PACRG: variants seen among roughly 807,000 people sequenced by gnomAD.
PACRG encodes the protein parkin coregulated gene protein.
PACRG carries 29 observed loss-of-function variants against 29.7 expected under a neutral mutation model. The observed-to-expected ratio is 0.98, with a 90% CI of 0.73 to 1.33. The LOEUF is 1.33. PACRG is among the 40% of genes most tolerant of loss of function. PACRG has a pLI of 0.00. For synonymous variants in PACRG, 116 were observed against 118.7 expected, an observed-to-expected ratio of 0.98 and a Z score of 0.15; for missense variants, 279 against 316.2, an observed-to-expected ratio of 0.88 and a Z score of 0.89.
chr6:163,137,913 C>T (rs1378866582), intron 4 of PACRG, among the ~76,000 whole-genome samples: 3 of 152,224 alleles, frequency 2.0e-5, no homozygotes, highest in African/African-American at 7.2e-5. Flanking sequence ...CCCTTCTCAC[C>T]ACCGCCCTGC....
intron 2 of PACRG, among the ~76,000 whole-genome samples, chr6:162,907,819 A>G (rs1796035095): frequency 6.6e-6 from 1 of 152,206 alleles, no homozygotes; most frequent in Admixed American, 6.5e-5. Flanking sequence ...CTGTCCTCAT[A>G]GCAAACTAGT....
chr6:162,834,379 C>A (rs1789037779), intron 2 of PACRG, among the ~76,000 whole-genome samples: 2 of 152,104 alleles, frequency 1.3e-5, no homozygotes, highest in African/African-American at 4.8e-5. Flanking sequence ...ACATTGCATA[C>A]ATTGTATAAT....
At chr6:163,227,969 G>A (rs887372070) in intron 4 of PACRG, among the ~76,000 whole-genome samples, 3 of 152,112 alleles carry the variant, frequency 2.0e-5, no homozygotes, top group Admixed American at 2.0e-4. Flanking sequence ...AAATTAACTT[G>A]TGATTAAAGA....
At chr6:162,833,624 T>A (rs543561711) in intron 2 of PACRG, among the ~76,000 whole-genome samples, 221 of 152,304 alleles carry the variant, frequency 1.5e-3, no homozygotes, top group African/African-American at 5.1e-3. Flanking sequence ...ATGTTGAACC[T>A]TTTTTCATAT....
intron 4 of PACRG, among the ~76,000 whole-genome samples, chr6:163,245,465 G>A (rs1782656073): frequency 6.6e-6 from 1 of 152,142 alleles, no homozygotes; most frequent in South Asian, 2.1e-4. Context: ...CACAGAGCCG[G>A]CGTCTCCGTG....
intron 4 of PACRG, among the ~76,000 whole-genome samples, chr6:163,132,846 A>G (rs944863069): frequency 6.6e-6 from 1 of 152,216 alleles, no homozygotes; most frequent in Non-Finnish European, 1.5e-5. Context: ...AAATAACATC[A>G]ATTGGATGTG....
chr6:163,099,423 C>T (rs1814885657), intron 4 of PACRG, among the ~76,000 whole-genome samples: 2 of 152,176 alleles, frequency 1.3e-5, no homozygotes, highest in Non-Finnish European at 2.9e-5. Context: ...GAGAAAATAG[C>T]GTTCTTTTCT....
intron 2 of PACRG, among the ~76,000 whole-genome samples, chr6:162,987,095 T>C (rs1435921185): frequency 1.3e-5 from 2 of 152,172 alleles, no homozygotes; most frequent in African/African-American, 2.4e-5. Context: ...ATAGAGCCTG[T>C]TTTGTCATAT....
At chr6:163,126,610 G>A (rs1816524367) in intron 4 of PACRG, among the ~76,000 whole-genome samples, 1 of 152,098 alleles carries the variant, frequency 6.6e-6, no homozygotes, top group Non-Finnish European at 1.5e-5. Context: ...AAAATACAAC[G>A]TGCAAAGAAA....
intron 3 of PACRG, among the ~76,000 whole-genome samples, chr6:163,072,863 C>T (rs566419151): frequency 2.2e-4 from 33 of 152,014 alleles, no homozygotes; most frequent in East Asian, 2.1e-3. Flanking sequence ...TTACAATAGC[C>T]ACAGATAAAA....
intron 4 of PACRG, among the ~76,000 whole-genome samples, chr6:163,132,507 A>G (rs930819995): frequency 1.3e-5 from 2 of 152,182 alleles, no homozygotes; most frequent in Non-Finnish European, 2.9e-5. Context: ...TTCCTCTAAG[A>G]ATCTTTGAGC....
chr6:163,285,367 G>A lies in PACRG; in HGVS notation c.614-29460G>A, dbSNP rs1275378739. Among the ~76,000 whole-genome samples, 6 of 151,608 alleles carry A rather than the reference G, an allele frequency of 4.0e-5. No homozygotes were observed. In the South Asian group the frequency reaches 8.3e-4, roughly 21 times the overall value. On this transcript the variant is annotated intron_variant, in intron 4 of 4. Transcript: ENST00000366888. ...CCCACTCGGGCAGCACCCCCACCCC[G>A]CCAGCCCCAGTCCAGGCTAGATCTC...
chr6:163,106,261 A>C (rs1385661373), intron 4 of PACRG, among the ~76,000 whole-genome samples: 4 of 152,192 alleles, frequency 2.6e-5, no homozygotes, highest in Admixed American at 2.6e-4. Flanking sequence ...CCATCCATAA[A>C]TACTGAGTGC....
chr6:162,730,063 C>CTCTT (rs1554267985), intron 1 of PACRG, among the ~76,000 whole-genome samples: 3 of 145,878 alleles, frequency 2.1e-5, no homozygotes, highest in Non-Finnish European at 4.5e-5. Flanking sequence ...AACTGTCTCT[C>CTCTT]TTTTTTTTTT....
chr6:163,026,196 T>G (rs1296918663), intron 2 of PACRG, among the ~76,000 whole-genome samples: 1 of 152,170 alleles, frequency 6.6e-6, no homozygotes, highest in African/African-American at 2.4e-5. Context: ...ACATAAAAGT[T>G]TATCTCACTG....
intron 1 of PACRG, among the ~76,000 whole-genome samples, chr6:162,760,127 T>C (rs1416543813): frequency 6.6e-6 from 1 of 152,218 alleles, no homozygotes; most frequent in Non-Finnish European, 1.5e-5. Flanking sequence ...CGTCGGCTAC[T>C]GATCTGACTA....
At chr6:163,121,092 A>C (rs966273000) in intron 4 of PACRG, among the ~76,000 whole-genome samples, 1 of 152,358 alleles carries the variant, frequency 6.6e-6, no homozygotes, top group Non-Finnish European at 1.5e-5. Context: ...AAATAGCTAC[A>C]GTTAATTCAG....
At chr6:163,210,784 T>C (rs1443170025) in intron 4 of PACRG, among the ~76,000 whole-genome samples, 1 of 152,204 alleles carries the variant, frequency 6.6e-6, no homozygotes, top group African/African-American at 2.4e-5. Flanking sequence ...TTCAGTTCAA[T>C]GGAAGATATA....
chr6:162,963,354 T>G (rs1253897056), intron 2 of PACRG, among the ~76,000 whole-genome samples: 4 of 152,124 alleles, frequency 2.6e-5, no homozygotes, highest in African/African-American at 9.6e-5. Context: ...TAATCTCTTG[T>G]TATGTGATGT....
Sources: gnomAD v4.1 joint callset for allele counts (sites outside exome capture counted in the v4.1 genomes callset) on GRCh38, gnomAD v4.1.1 for gene constraint, MANE v1.5 for transcripts, NCBI Gene and HGNC (gene_info 2026-07-23, HGNC 2026-07-21) for gene names.